CHD9NB: variants seen among roughly 807,000 people sequenced by gnomAD.
The protein encoded by CHD9NB is CHD9 neighbor protein.
chr16:53,048,846 C>T, the CHD9NB span, among the ~76,000 whole-genome samples: 3 of 152,144 alleles, frequency 2.0e-5, no homozygotes, highest in Non-Finnish European at 4.4e-5. Flanking sequence ...TCCTCCCTGC[C>T]TCTGGTCTCT....
At chr16:53,047,801 C>T in the CHD9NB span, among the ~76,000 whole-genome samples, 1 of 152,052 alleles carries the variant, frequency 6.6e-6, no homozygotes, top group Non-Finnish European at 1.5e-5. Flanking sequence ...AGTTCAAGAC[C>T]AGTCTGGTCA....
the CHD9NB span, among the ~76,000 whole-genome samples, chr16:53,036,517 G>A: frequency 2.0e-5 from 3 of 152,246 alleles, no homozygotes; most frequent in Admixed American, 2.0e-4. Context: ...ATGTGTGTGG[G>A]GAGAGAATGC....
chr16:53,046,549 G>A, the CHD9NB span, among the ~76,000 whole-genome samples: 1 of 151,930 alleles, frequency 6.6e-6, no homozygotes, highest in African/African-American at 2.4e-5. Context: ...GATGAGCGTG[G>A]TGGGGCATGC....
the CHD9NB span, among the ~76,000 whole-genome samples, chr16:53,049,175 T>A: frequency 5.9e-5 from 9 of 151,680 alleles, no homozygotes; most frequent in Non-Finnish European, 1.3e-4. Flanking sequence ...TTTTTTGAAA[T>A]CAGGTCTCAC....
chr16:53,049,223 A>G, the CHD9NB span, among the ~76,000 whole-genome samples: 1 of 151,640 alleles, frequency 6.6e-6, no homozygotes, highest in African/African-American at 2.4e-5. Flanking sequence ...GCGATCATGC[A>G]TGGCTCACTG....
At chr16:53,051,768 AATATATATATATATATATATAT>A in the CHD9NB span, among the ~76,000 whole-genome samples, 40 of 104,612 alleles carry the variant, frequency 3.8e-4, 1 homozygote, top group Admixed American at 1.2e-3. Flanking sequence ...TAAAAGTATA[AATATATATATATATATATATAT>A]ATATATATAT....
the CHD9NB span, chr16:53,044,032 G>C: frequency 2.5e-6 from 1 of 398,844 alleles, no homozygotes; most frequent in Non-Finnish European, 4.4e-6. Context: ...CCATCCTTCA[G>C]CGGGGCATCC....
chr16:53,051,359 T>A, the CHD9NB span, among the ~76,000 whole-genome samples: 1 of 151,828 alleles, frequency 6.6e-6, no homozygotes, highest in Non-Finnish European at 1.5e-5. Context: ...GCAAAAGGGA[T>A]AAAAATGAGT....
chr16:53,051,241 T>C, the CHD9NB span, among the ~76,000 whole-genome samples: 1 of 152,092 alleles, frequency 6.6e-6, no homozygotes, highest in Non-Finnish European at 1.5e-5. Context: ...ATTCCCTTTC[T>C]TACTAAAAAT....
chr16:53,039,089 C>T, the CHD9NB span, among the ~76,000 whole-genome samples: 1 of 152,118 alleles, frequency 6.6e-6, no homozygotes, highest in Non-Finnish European at 1.5e-5. Context: ...CCAACTCCAT[C>T]CTCTAAACAG....
At chr16:53,039,289 A>T in the CHD9NB span, among the ~76,000 whole-genome samples, 1 of 152,166 alleles carries the variant, frequency 6.6e-6, no homozygotes, top group Non-Finnish European at 1.5e-5. Flanking sequence ...AAACAAGTTG[A>T]TCAGGACGAT....
the CHD9NB span, among the ~76,000 whole-genome samples, chr16:53,041,910 CA>C: frequency 2.6e-5 from 4 of 152,230 alleles, no homozygotes; most frequent in African/African-American, 9.6e-5. Context: ...GCAAGCTTAG[CA>C]CCCCTGGGAC....
At chr16:53,047,397 A>G in the CHD9NB span, 1 of 152,166 alleles carries the variant, frequency 6.6e-6, no homozygotes, top group Non-Finnish European at 1.5e-5. Context: ...GGTGGCTTAC[A>G]CAAGACATCT....
chr16:53,039,192 TAAAC>T, the CHD9NB span, among the ~76,000 whole-genome samples: 1 of 152,208 alleles, frequency 6.6e-6, no homozygotes, highest in African/African-American at 2.4e-5. Flanking sequence ...CAAACCACTG[TAAAC>T]AAACAAACAA....
At chr16:53,043,025 C>T in the CHD9NB span, 1 of 152,242 alleles carries the variant, frequency 6.6e-6, no homozygotes, top group South Asian at 2.1e-4. Flanking sequence ...CAGAATTACA[C>T]CCACTCTTCT....
At chr16:53,044,926 T>C in the CHD9NB span, among the ~76,000 whole-genome samples, 1 of 152,150 alleles carries the variant, frequency 6.6e-6, no homozygotes, top group Non-Finnish European at 1.5e-5. Flanking sequence ...TCTTATATTT[T>C]ACTTTCTTAT....
chr16:53,040,947 A>G, the CHD9NB span, among the ~76,000 whole-genome samples: 1 of 152,038 alleles, frequency 6.6e-6, no homozygotes, highest in African/African-American at 2.4e-5. Flanking sequence ...ATGGATGGAC[A>G]GATGGAAAGA....
chr16:53,051,768 A>AAAATATATAT, the CHD9NB span, among the ~76,000 whole-genome samples: 1 of 104,610 alleles, frequency 9.6e-6, no homozygotes, highest in African/African-American at 5.2e-5. Flanking sequence ...TAAAAGTATA[A>AAAATATATAT]ATATATATAT....
chr16:53,049,677 G>A, the CHD9NB span, among the ~76,000 whole-genome samples: 3 of 152,168 alleles, frequency 2.0e-5, no homozygotes, highest in East Asian at 1.9e-4. Context: ...TAGTAAAAGA[G>A]GGAAGGACAC....
Sources: allele counts gnomAD v4.1 joint callset (sites outside exome capture counted in the v4.1 genomes callset), GRCh38; gene constraint gnomAD v4.1.1; transcripts MANE v1.5; gene names NCBI Gene and HGNC (gene_info 2026-07-23, HGNC 2026-07-21).